The following ARHGAP15 variants were observed in gnomAD, a reference collection of about 807,000 sequenced individuals.
ARHGAP15 encodes the protein rho GTPase-activating protein 15.
ARHGAP15 carries 51 observed loss-of-function variants against 63.7 expected under a neutral mutation model. The ratio of observed to expected loss-of-function variants is 0.80; its 90% CI spans 0.64 to 1.01. The LOEUF (loss-of-function observed/expected upper bound fraction) is 1.01, where lower values mean the gene tolerates loss of function less well. Among genes scored for constraint, ARHGAP15 ranks in the 50% least tolerant of loss-of-function variants. ARHGAP15 has a pLI of 0.00. For synonymous variants in ARHGAP15, 191 were observed against 193.8 expected, an observed-to-expected ratio of 0.99 and a Z score of 0.12; for missense variants, 560 against 564.6, an observed-to-expected ratio of 0.99 and a Z score of 0.08.
intron 6 of ARHGAP15, among the ~76,000 whole-genome samples, chr2:143,315,573 G>T (rs1683664710): frequency 6.6e-6 from 1 of 152,106 alleles, no homozygotes; most frequent in South Asian, 2.1e-4. Flanking sequence ...CTCCCCAGGT[G>T]CTCCTGTGCA....
chr2:143,476,563 A>G (rs1371913590), intron 8 of ARHGAP15, among the ~76,000 whole-genome samples: 1 of 152,218 alleles, frequency 6.6e-6, no homozygotes, highest in Admixed American at 6.5e-5. Flanking sequence ...CACTGACCCA[A>G]CATAAACACT....
chr2:143,402,608 G>T (rs1329345666), intron 6 of ARHGAP15, among the ~76,000 whole-genome samples: 1 of 151,736 alleles, frequency 6.6e-6, no homozygotes, highest in Non-Finnish European at 1.5e-5. Context: ...ATTTTGAGAT[G>T]TGAAACTGTC....
intron 4 of ARHGAP15, among the ~76,000 whole-genome samples, chr2:143,227,018 T>C (rs1232602933): frequency 6.6e-6 from 1 of 152,192 alleles, no homozygotes; most frequent in Non-Finnish European, 1.5e-5. Context: ...AATAAAGTCT[T>C]TCCATAAACT....
intron 6 of ARHGAP15, among the ~76,000 whole-genome samples, chr2:143,278,387 T>C (rs1247423611): frequency 1.3e-5 from 2 of 152,106 alleles, no homozygotes; most frequent in African/African-American, 2.4e-5. Flanking sequence ...AATCTAACCC[T>C]ATAACCTGCG....
rs75105989 is a variant in ARHGAP15 at position 143,292,555 on chromosome 2, G to T, written c.474+41955G>T. Among the ~76,000 whole-genome samples the T allele has an allele frequency of 5.2e-3, 788 of 151,920 alleles. 9 individuals carry two copies. The highest frequency in any genetic ancestry group is 0.018 in the African/African-American group (748 of 41,464). On this transcript the variant is annotated intron_variant, in intron 6 of 13. Transcript: ENST00000295095. ...TCACCTTGTCCATTTAAAATGGATT[G>T]TTCTATTTATAGAGTAACAGCCTGT...
intron 12 of ARHGAP15, among the ~76,000 whole-genome samples, chr2:143,699,492 T>G (rs182417777): frequency 1.8e-4 from 28 of 152,298 alleles, no homozygotes; most frequent in African/African-American, 6.3e-4. Context: ...AAAATATTCT[T>G]CATGTAGAAT....
In ARHGAP15 at chr2:143,315,840, T is replaced by G. The variant is rs1016994568; in HGVS notation, c.474+65240T>G. 1.2e-4 allele frequency among the ~76,000 whole-genome samples: 19 copies of G among 152,096 alleles called. 1 individual carries two copies. The highest frequency in any genetic ancestry group is 1.2e-3 in the Admixed American group (18 of 15,264). Reference sequence around the variant, plus strand: ...TGGCTCGGGCCTGTAATCCCAGCACTTTGGGAGGCAGAGGCGGGTGGATCA... The same window carrying G: ...TGGCTCGGGCCTGTAATCCCAGCACGTTGGGAGGCAGAGGCGGGTGGATCA... On this transcript the variant is annotated intron_variant, in intron 6 of 13. Coordinates refer to ENST00000295095, the MANE Select transcript of ARHGAP15 (RefSeq NM_018460.4).
chr2:143,724,348 C>T (rs1462443748), intron 13 of ARHGAP15, among the ~76,000 whole-genome samples: 1 of 152,152 alleles, frequency 6.6e-6, no homozygotes, highest in East Asian at 1.9e-4. Flanking sequence ...TTAGAAAATT[C>T]AGAGTTACAT....
chr2:143,764,937 T>A (rs1471250295), intron 13 of ARHGAP15, among the ~76,000 whole-genome samples: 1 of 152,202 alleles, frequency 6.6e-6, no homozygotes, highest in Non-Finnish European at 1.5e-5. Context: ...ACAGTCTTGC[T>A]TTTGCTTCTA....
intron 4 of ARHGAP15, among the ~76,000 whole-genome samples, chr2:143,224,597 G>T (rs997932080): frequency 6.6e-6 from 1 of 152,088 alleles, no homozygotes; most frequent in Non-Finnish European, 1.5e-5. Flanking sequence ...ACCTATCCTG[G>T]CTAAGGCTTT....
At chr2:143,602,604 C>T (rs1051702033) in intron 11 of ARHGAP15, among the ~76,000 whole-genome samples, 1 of 151,684 alleles carries the variant, frequency 6.6e-6, no homozygotes, top group Non-Finnish European at 1.5e-5. Context: ...AATGTGAATA[C>T]ATGCTTTGGA....
At chr2:143,520,184 A>G (rs1694001278) in intron 10 of ARHGAP15, among the ~76,000 whole-genome samples, 1 of 152,202 alleles carries the variant, frequency 6.6e-6, no homozygotes, top group Non-Finnish European at 1.5e-5. Context: ...TTCAGAAAAA[A>G]GGATTGGTGA....
chr2:143,652,084 A>G (rs1047460308), intron 12 of ARHGAP15, among the ~76,000 whole-genome samples: 12 of 152,030 alleles, frequency 7.9e-5, no homozygotes, highest in African/African-American at 2.4e-4. Flanking sequence ...ATCTAACTCA[A>G]TGCCAGAACC....
At chr2:143,532,192 A>G (rs938342467) in intron 10 of ARHGAP15, among the ~76,000 whole-genome samples, 1 of 152,200 alleles carries the variant, frequency 6.6e-6, no homozygotes, top group Non-Finnish European at 1.5e-5. Context: ...TGCATAATGC[A>G]TCCTTATGAG....
At chr2:143,330,630 T>A (rs1330740442) in intron 6 of ARHGAP15, among the ~76,000 whole-genome samples, 1 of 152,220 alleles carries the variant, frequency 6.6e-6, no homozygotes, top group Non-Finnish European at 1.5e-5. Context: ...CTACATGGTT[T>A]ATGCAATTTC....
chr2:143,680,263 C>A (rs190879736), intron 12 of ARHGAP15, among the ~76,000 whole-genome samples: 1 of 152,150 alleles, frequency 6.6e-6, no homozygotes, highest in African/African-American at 2.4e-5. Flanking sequence ...GACAGGTAAC[C>A]ATTGACCAGG....
chr2:143,551,204 T>G (rs1695547775), intron 10 of ARHGAP15, among the ~76,000 whole-genome samples: 2 of 152,134 alleles, frequency 1.3e-5, no homozygotes. Flanking sequence ...CAGGCTGGAG[T>G]GCAATGCTGT....
rs79532803 is a variant in ARHGAP15, at chr2:143,278,757, A to C, written c.474+28157A>C. Among the ~76,000 whole-genome samples, 45 of 152,248 alleles carry C rather than the reference A, an allele frequency of 3.0e-4. No homozygotes were observed. The East Asian group carries it at 8.3e-3, about 28-fold the overall frequency. On this transcript the variant is annotated intron_variant, in intron 6 of 13. Transcript: ENST00000295095. The stretch of plus-strand genomic sequence containing the variant: ...ATCTTCTTATTTATAGTTTAATAAA[A>C]ATAACTTCTGGCCTCTTGAGCCCAG...
At chr2:143,442,374 G>T (rs1174897229) in intron 8 of ARHGAP15, among the ~76,000 whole-genome samples, 1 of 152,040 alleles carries the variant, frequency 6.6e-6, no homozygotes, top group Non-Finnish European at 1.5e-5. Context: ...CTCTGGCCCT[G>T]AGAGCTAAGA....
Sources: allele counts gnomAD v4.1 joint callset (sites outside exome capture counted in the v4.1 genomes callset), GRCh38; gene constraint gnomAD v4.1.1; transcripts MANE v1.5; gene names NCBI Gene and HGNC (gene_info 2026-07-23, HGNC 2026-07-21).